PCDH15: variants seen among roughly 807,000 people sequenced by gnomAD.
The protein encoded by PCDH15 is protocadherin related 15, also known as protocadherin-15.
PCDH15 carries 129 observed loss-of-function variants against 178.5 expected under a neutral mutation model. The observed-to-expected ratio is 0.72, with a 90% CI of 0.63 to 0.84. The LOEUF is 0.84. Among genes scored for constraint, PCDH15 ranks in the 40% least tolerant of loss-of-function variants. The probability of loss-of-function intolerance (pLI) is 0.00; values close to 1 mark genes in which losing one functional copy is unlikely to be tolerated. For synonymous variants in PCDH15, 800 were observed against 732.0 expected (o/e 1.09, Z -1.50); for missense variants, 2,230 against 2,099.9 (o/e 1.06, Z -1.21).
intron 20 of PCDH15, among the ~76,000 whole-genome samples, chr10:54,018,006 C>A (rs2092796879): frequency 6.6e-6 from 1 of 152,058 alleles, no homozygotes; most frequent in South Asian, 2.1e-4. Flanking sequence ...TCTAAGAAAA[C>A]CACTAGCATA....
rs530409152 is a variant in PCDH15 at position 54,821,513 on chromosome 10, C to T, written c.-29+75937G>A. Among the ~76,000 whole-genome samples, 3 of 152,002 alleles carry T rather than the reference C, an allele frequency of 2.0e-5. No individual in the cohort carries two copies. The South Asian group carries it at 6.2e-4, about 32-fold the overall frequency. On this transcript the variant is annotated intron_variant, in intron 3 of 5. Transcript: ENST00000458638. ...CTACGTTTTTAAAAGTTGGCACATACCAAGAAAATCACAATATATAGAAAA... is the reference window on the plus strand; with the variant it reads ...CTACGTTTTTAAAAGTTGGCACATATCAAGAAAATCACAATATATAGAAAA...
intron 26 of PCDH15, among the ~76,000 whole-genome samples, chr10:53,876,703 A>G (rs2080274611): frequency 6.6e-6 from 1 of 152,128 alleles, no homozygotes; most frequent in Admixed American, 6.5e-5. Context: ...TTGATTTTGC[A>G]TAAGAATGTC....
intron 1 of PCDH15, among the ~76,000 whole-genome samples, chr10:55,217,028 T>C (rs763203566): frequency 6.6e-6 from 1 of 151,928 alleles, no homozygotes; most frequent in Non-Finnish European, 1.5e-5. Flanking sequence ...TGACTTATAA[T>C]ATGATTGGAA....
intron 3 of PCDH15, among the ~76,000 whole-genome samples, chr10:54,460,382 A>T (rs1328217257): frequency 1.3e-5 from 2 of 152,124 alleles, no homozygotes; most frequent in Non-Finnish European, 2.9e-5. Flanking sequence ...ACTGATAGCC[A>T]TGGAAGTACT....
intron 1 of PCDH15, among the ~76,000 whole-genome samples, chr10:55,174,256 G>C (rs1165719433): frequency 6.6e-6 from 1 of 152,128 alleles, no homozygotes; most frequent in African/African-American, 2.4e-5. Flanking sequence ...CAAATTCCTA[G>C]GCAGAAAGGA....
At chr10:54,998,139 A>T (rs1839692608) in intron 2 of PCDH15, among the ~76,000 whole-genome samples, 1 of 152,164 alleles carries the variant, frequency 6.6e-6, no homozygotes, top group Non-Finnish European at 1.5e-5. Context: ...CTAATTCACA[A>T]GTCATCTAAA....
At chr10:54,554,965 T>C (rs1409044873) in intron 2 of PCDH15, among the ~76,000 whole-genome samples, 1 of 152,094 alleles carries the variant, frequency 6.6e-6, no homozygotes, top group Non-Finnish European at 1.5e-5. Flanking sequence ...CAAACATTGA[T>C]AGATAACTGT....
intron 23 of PCDH15, among the ~76,000 whole-genome samples, chr10:53,943,088 T>C (rs764625349): frequency 5.9e-5 from 9 of 152,198 alleles, no homozygotes; most frequent in Non-Finnish European, 1.0e-4. Flanking sequence ...CTGCACAAGA[T>C]AGAAGCTAAA....
At chr10:55,076,772 T>C (rs1420604478) in intron 2 of PCDH15, among the ~76,000 whole-genome samples, 1 of 142,056 alleles carries the variant, frequency 7.0e-6, no homozygotes, top group Non-Finnish European at 1.5e-5. Context: ...ACCTTTTTTT[T>C]TTTTTTTTTT....
At chr10:55,535,239 G>A (rs1455892865) in intron 2 of PCDH15, among the ~76,000 whole-genome samples, 4 of 151,966 alleles carry the variant, frequency 2.6e-5, no homozygotes, top group African/African-American at 7.3e-5. Context: ...ATACACATGT[G>A]AAATACTTAT....
chr10:55,563,657 C>T (rs2132101816), intron 2 of PCDH15, among the ~76,000 whole-genome samples: 1 of 151,392 alleles, frequency 6.6e-6, no homozygotes, highest in Admixed American at 6.6e-5. Flanking sequence ...CCGAGAAAGA[C>T]TTGATGGTAG....
chr10:54,299,512 G>A (rs1380836841), intron 8 of PCDH15, among the ~76,000 whole-genome samples: 2 of 152,206 alleles, frequency 1.3e-5, no homozygotes, highest in East Asian at 1.9e-4. Context: ...TGTTGTCAGT[G>A]TAAACAAGGG....
At chr10:54,447,384 G>A (rs1037014126) in intron 3 of PCDH15, among the ~76,000 whole-genome samples, 8 of 151,154 alleles carry the variant, frequency 5.3e-5, no homozygotes, top group Admixed American at 1.3e-4. Context: ...CAACATCTCC[G>A]CAATTTCCCC....
intron 2 of PCDH15, among the ~76,000 whole-genome samples, chr10:55,157,340 C>CAACA (rs1480085733): frequency 1.3e-5 from 2 of 149,440 alleles, no homozygotes; most frequent in African/African-American, 5.0e-5. Context: ...AATAGGAACA[C>CAACA]TTTTACACTG....
At chr10:54,439,465 T>G (rs765871591) in intron 3 of PCDH15, among the ~76,000 whole-genome samples, 3 of 152,084 alleles carry the variant, frequency 2.0e-5, no homozygotes, top group Non-Finnish European at 4.4e-5. Flanking sequence ...TTTTCTTATG[T>G]GTGCTCTGGT....
intron 18 of PCDH15, among the ~76,000 whole-genome samples, chr10:54,040,373 C>G (rs1273715503): frequency 1.3e-5 from 2 of 151,942 alleles, no homozygotes; most frequent in Admixed American, 1.3e-4. Context: ...TTCCCCTTTG[C>G]TTGGCTCTCA....
At chr10:53,987,568 A>G (rs1457032860) in intron 21 of PCDH15, among the ~76,000 whole-genome samples, 1 of 152,226 alleles carries the variant, frequency 6.6e-6, no homozygotes, top group Non-Finnish European at 1.5e-5. Context: ...CAAAGAAAAT[A>G]TAATGAAAAT....
chr10:55,424,962 T>C lies in PCDH15; in HGVS notation c.-156+202663A>G, dbSNP rs929939744. Among the ~76,000 whole-genome samples the C allele has an allele frequency of 8.6e-5, 13 of 151,712 alleles. No homozygotes were observed. In the East Asian group the frequency reaches 2.5e-3, roughly 29 times the overall value. ...AGATATGAAATGGTTTGCAACTAGA[T>C]GGAAAATGAATTGTATAATTGCAAA... On this transcript the variant is annotated intron_variant, in intron 2 of 5. Transcript: ENST00000613346.
chr10:54,233,931 C>T (rs990302957), intron 9 of PCDH15, among the ~76,000 whole-genome samples: 2 of 152,112 alleles, frequency 1.3e-5, no homozygotes, highest in African/African-American at 4.8e-5. Flanking sequence ...TGGATGACCT[C>T]GTCATAGACA....
Sources: gnomAD v4.1 joint callset for allele counts (sites outside exome capture counted in the v4.1 genomes callset) on GRCh38, gnomAD v4.1.1 for gene constraint, MANE v1.5 for transcripts, NCBI Gene and HGNC (gene_info 2026-07-23, HGNC 2026-07-21) for gene names.